Variants in CDH12 observed in about 807,000 individuals in gnomAD.
CDH12 encodes cadherin-12.
A neutral mutation model predicts 74.1 loss-of-function variants in CDH12; 41 were observed. The observed-to-expected ratio is 0.55, with a 90% CI of 0.43 to 0.72. The LOEUF is 0.72. Ranked by LOEUF, CDH12 falls within the 30% of genes least tolerant of loss-of-function variation. The probability of loss-of-function intolerance (pLI) is 0.00; values close to 1 mark genes in which losing one functional copy is unlikely to be tolerated. For synonymous variants in CDH12, 399 were observed against 355.0 expected (o/e 1.12, Z -1.39); for missense variants, 945 against 977.2 (o/e 0.97, Z 0.44).
chr5:22,040,896 T>C (rs1184867601), intron 5 of CDH12, among the ~76,000 whole-genome samples: 4 of 152,032 alleles, frequency 2.6e-5, no homozygotes, highest in African/African-American at 9.7e-5. Flanking sequence ...TGTGGCCAAA[T>C]TGAGAATACC....
At chr5:22,363,380 G>A (rs527520321) in intron 3 of CDH12, among the ~76,000 whole-genome samples, 9 of 152,178 alleles carry the variant, frequency 5.9e-5, no homozygotes, top group Admixed American at 5.9e-4. Context: ...AATCCATTGG[G>A]AAACAGAATA....
chr5:21,980,329 C>CTCTGTCAT (rs1757255958), intron 5 of CDH12, among the ~76,000 whole-genome samples: 2 of 151,720 alleles, frequency 1.3e-5, no homozygotes, highest in African/African-American at 4.8e-5. Context: ...GATGAACAAC[C>CTCTGTCAT]CTGGACAGTT....
chr5:22,022,878 T>A (rs1738078188), intron 5 of CDH12, among the ~76,000 whole-genome samples: 2 of 152,152 alleles, frequency 1.3e-5, no homozygotes, highest in Non-Finnish European at 2.9e-5. Flanking sequence ...TGTTTTTAGC[T>A]CTATTCCCAT....
At position 21,973,948 on chromosome 5, in the gene CDH12, C is replaced by T. The variant is rs1216335873; in HGVS notation, c.526+1143G>A. Among the ~76,000 whole-genome samples, 5 of 151,996 alleles carry T rather than the reference C, an allele frequency of 3.3e-5. No homozygotes were observed. The East Asian group carries it at 9.7e-4, about 29-fold the overall frequency. On this transcript the variant is annotated intron_variant, in intron 6 of 14. Coordinates refer to ENST00000382254, the MANE Select transcript of CDH12 (RefSeq NM_004061.5). ...ATAACAGATTTGCAGCCTTGGGTAT[C>T]CACATTAAAATTTGAAATCTAAGTG...
chr5:21,929,626 T>C (rs769779978), intron 6 of CDH12, among the ~76,000 whole-genome samples: 10 of 152,032 alleles, frequency 6.6e-5, no homozygotes, highest in Non-Finnish European at 1.5e-4. Context: ...CAGGTGATCC[T>C]CTCACCTCAG....
intron 6 of CDH12, among the ~76,000 whole-genome samples, chr5:21,957,796 T>C (rs1167398385): frequency 6.6e-6 from 1 of 152,170 alleles, no homozygotes; most frequent in Non-Finnish European, 1.5e-5. Flanking sequence ...TTTAAATTCC[T>C]TATAGGTGCT....
At chr5:22,430,690 CTACCTGGAATAAGTGGCTATTA>C (rs1240632537) in intron 2 of CDH12, among the ~76,000 whole-genome samples, 4 of 152,094 alleles carry the variant, frequency 2.6e-5, no homozygotes, top group African/African-American at 7.2e-5. Flanking sequence ...TTGGGAATTT[CTACCTGGAATAAGTGGCTATTA>C]TACAATAGAA....
chr5:22,187,262 T>A (rs1407583332), intron 4 of CDH12, among the ~76,000 whole-genome samples: 1 of 152,132 alleles, frequency 6.6e-6, no homozygotes, highest in Non-Finnish European at 1.5e-5. Flanking sequence ...AAGACACTTA[T>A]CATCTTAAAT....
chr5:22,599,953 T>A (rs539801178), intron 1 of CDH12, among the ~76,000 whole-genome samples: 22 of 152,290 alleles, frequency 1.4e-4, no homozygotes, highest in African/African-American at 5.3e-4. Context: ...ACATACTGCA[T>A]GTTTGTTTCT....
At chr5:22,265,211 A>G (rs1443076834) in intron 3 of CDH12, among the ~76,000 whole-genome samples, 2 of 152,158 alleles carry the variant, frequency 1.3e-5, no homozygotes, top group South Asian at 2.1e-4. Flanking sequence ...AATCAGCAGG[A>G]GGTTAGAATG....
intron 4 of CDH12, among the ~76,000 whole-genome samples, chr5:22,154,122 T>C (rs551643153): frequency 1.3e-5 from 2 of 150,108 alleles, no homozygotes; most frequent in Admixed American, 6.7e-5. Context: ...AAAAATTGAA[T>C]ATATTTATGT....
At chr5:21,883,893 G>C (rs1356685146) in intron 6 of CDH12, 7 of 1,607,094 alleles carry the variant, frequency 4.4e-6, no homozygotes, top group Non-Finnish European at 5.1e-6. Context: ...TGTTGAAGGA[G>C]GCATTGTTTT....
chr5:22,344,875 TGTGA>T (rs1384646644), intron 3 of CDH12, among the ~76,000 whole-genome samples: 8 of 152,338 alleles, frequency 5.3e-5, no homozygotes, highest in Admixed American at 3.9e-4. Flanking sequence ...TGTGTATGTC[TGTGA>T]GTATCACCCA....
chr5:22,642,711 T>A (rs768243781), intron 1 of CDH12, among the ~76,000 whole-genome samples: 20 of 152,172 alleles, frequency 1.3e-4, no homozygotes, highest in Non-Finnish European at 2.6e-4. Context: ...TACTAAGATT[T>A]ACATAATCAG....
intron 7 of CDH12, among the ~76,000 whole-genome samples, chr5:21,850,545 T>TATA (rs1486235784): frequency 1.3e-5 from 2 of 151,652 alleles, no homozygotes; most frequent in Non-Finnish European, 3.0e-5. Context: ...AGCTTTAATT[T>TATA]TAATATGAAG....
intron 5 of CDH12, among the ~76,000 whole-genome samples, chr5:21,991,612 A>C (rs1325374633): frequency 6.6e-6 from 1 of 150,426 alleles, no homozygotes; most frequent in Non-Finnish European, 1.5e-5. Flanking sequence ...ATAAGAACAC[A>C]ATCTGAAATT....
chr5:22,029,057 A>C (rs1037795855), intron 5 of CDH12, among the ~76,000 whole-genome samples: 2 of 152,240 alleles, frequency 1.3e-5, no homozygotes, highest in Non-Finnish European at 2.9e-5. Context: ...CCAGCTAGCC[A>C]TATGTAGAAA....
chr5:22,072,694 G>C (rs952565572), intron 5 of CDH12, among the ~76,000 whole-genome samples: 2 of 151,814 alleles, frequency 1.3e-5, no homozygotes, highest in Non-Finnish European at 2.9e-5. Flanking sequence ...ATTTACATTA[G>C]GTATATCTCC....
chr5:22,583,547 C>T (rs897723371), intron 1 of CDH12, among the ~76,000 whole-genome samples: 1 of 152,120 alleles, frequency 6.6e-6, no homozygotes, highest in Non-Finnish European at 1.5e-5. Context: ...AGGAAACCGT[C>T]TTAATCAATT....
Sources: gnomAD v4.1 joint callset for allele counts (sites outside exome capture counted in the v4.1 genomes callset) on GRCh38, gnomAD v4.1.1 for gene constraint, MANE v1.5 for transcripts, NCBI Gene and HGNC (gene_info 2026-07-23, HGNC 2026-07-21) for gene names.